Variants in BTBD9 observed in about 807,000 individuals in gnomAD.
BTBD9 encodes the protein BTB domain containing 9.
In BTBD9, 49 loss-of-function variants were observed where a neutral mutation model predicts 64.3. The observed-to-expected ratio is 0.76, with a 90% CI of 0.61 to 0.97. BTBD9 has a LOEUF of 0.97. Among genes scored for constraint, BTBD9 ranks in the 50% least tolerant of loss-of-function variants. The probability of loss-of-function intolerance (pLI) is 0.00; values close to 1 mark genes in which losing one functional copy is unlikely to be tolerated. For missense variants in BTBD9, 598 were observed against 762.1 expected (o/e 0.78, Z 2.53); for synonymous variants, 260 against 274.7 (o/e 0.95, Z 0.53).
At chr6:38,505,532 A>C (rs1772437480) in intron 6 of BTBD9, among the ~76,000 whole-genome samples, 1 of 151,870 alleles carries the variant, frequency 6.6e-6, no homozygotes, top group African/African-American at 2.4e-5. Flanking sequence ...GCAGAGGCAG[A>C]AGAATTGCTT....
chr6:38,556,530 TGTGTGTGTGTGTGTGTGTGTGAGAGA>T (rs745720331), intron 6 of BTBD9, among the ~76,000 whole-genome samples: 3,934 of 57,598 alleles, frequency 0.068, 85 homozygotes, highest in Non-Finnish European at 0.082. Flanking sequence ...TGTGTGTGTG[TGTGTGTGTGTGTGTGTGTGTGAGAGA>T]GAGAGAGAGA....
intron 8 of BTBD9, among the ~76,000 whole-genome samples, chr6:38,259,358 A>G: frequency 6.6e-6 from 1 of 152,204 alleles, no homozygotes; most frequent in East Asian, 1.9e-4. Context: ...ACTGAGGACT[A>G]GGATTGCCTG....
At chr6:38,609,239 G>A (rs577580435) in intron 1 of BTBD9, among the ~76,000 whole-genome samples, 11 of 152,050 alleles carry the variant, frequency 7.2e-5, no homozygotes, top group Non-Finnish European at 1.6e-4. Flanking sequence ...GCATGGTAGC[G>A]CACACCTGTG....
chr6:38,427,182 T>TAA (rs10709700), intron 6 of BTBD9, among the ~76,000 whole-genome samples: 3 of 141,044 alleles, frequency 2.1e-5, no homozygotes, highest in Non-Finnish European at 1.5e-5. Context: ...TGAGGAGCTT[T>TAA]AAAAAAAAAA....
intron 8 of BTBD9, among the ~76,000 whole-genome samples, chr6:38,280,543 T>C (rs1018763406): frequency 1.3e-5 from 2 of 152,242 alleles, no homozygotes; most frequent in Admixed American, 6.5e-5. Context: ...ATTTAGATGT[T>C]TGCTGTATTC....
At chr6:38,387,429 C>T (rs538509226) in intron 6 of BTBD9, among the ~76,000 whole-genome samples, 15 of 152,164 alleles carry the variant, frequency 9.9e-5, no homozygotes, top group African/African-American at 3.1e-4. Context: ...CCCAGCTACT[C>T]GGGAGGCTGG....
chr6:38,472,143 T>A (rs986935015), intron 6 of BTBD9, among the ~76,000 whole-genome samples: 1 of 152,238 alleles, frequency 6.6e-6, no homozygotes, highest in African/African-American at 2.4e-5. Context: ...ACCACACTTG[T>A]ATCCTATCTC....
chr6:38,573,492 C>T (rs1045715394), intron 6 of BTBD9, among the ~76,000 whole-genome samples: 1 of 152,124 alleles, frequency 6.6e-6, no homozygotes, highest in African/African-American at 2.4e-5. Flanking sequence ...CTCCAGTAAA[C>T]AACGCTCCTA....
chr6:38,342,459 C>G (rs2127588520), intron 7 of BTBD9, among the ~76,000 whole-genome samples: 1 of 150,848 alleles, frequency 6.6e-6, no homozygotes, highest in African/African-American at 2.4e-5. Context: ...TTGCTTGAAC[C>G]CAGGAGGTGG....
intron 9 of BTBD9, among the ~76,000 whole-genome samples, chr6:38,197,264 AAAGAG>A (rs1447897469): frequency 8.5e-5 from 13 of 152,238 alleles, no homozygotes; most frequent in Non-Finnish European, 1.8e-4. Context: ...AAACTGAGGC[AAAGAG>A]AAGAGAAGTA....
chr6:38,350,019 C>T (rs1038872185), intron 6 of BTBD9, among the ~76,000 whole-genome samples: 25 of 152,192 alleles, frequency 1.6e-4, no homozygotes, highest in Non-Finnish European at 3.7e-4. Context: ...TCCCTTCCTC[C>T]AACCCAGGAT....
intron 9 of BTBD9, among the ~76,000 whole-genome samples, chr6:38,201,167 C>A (rs1762450639): frequency 1.3e-5 from 2 of 152,140 alleles, no homozygotes; most frequent in Admixed American, 6.5e-5. Flanking sequence ...CCAATATCCT[C>A]AATGAACACA....
intron 7 of BTBD9, among the ~76,000 whole-genome samples, chr6:38,342,089 A>AT (rs982918501): frequency 3.3e-5 from 5 of 152,200 alleles, no homozygotes; most frequent in Non-Finnish European, 7.3e-5. Flanking sequence ...ATCATTATAT[A>AT]TTTTAAATAA....
intron 6 of BTBD9, among the ~76,000 whole-genome samples, chr6:38,368,613 G>A (rs2127603113): frequency 6.6e-6 from 1 of 152,256 alleles, no homozygotes; most frequent in East Asian, 1.9e-4. Flanking sequence ...GATTACAGGT[G>A]TGAGCCACCA....
intron 6 of BTBD9, among the ~76,000 whole-genome samples, chr6:38,453,403 C>A (rs113366666): frequency 6.6e-6 from 1 of 152,080 alleles, no homozygotes; most frequent in Non-Finnish European, 1.5e-5. Context: ...AATGAAACTC[C>A]GTTCTCTGTT....
intron 6 of BTBD9, among the ~76,000 whole-genome samples, chr6:38,469,174 T>G (rs1273428775): frequency 2.6e-5 from 4 of 152,078 alleles, no homozygotes; most frequent in African/African-American, 9.7e-5. Flanking sequence ...ATGGCCTACC[T>G]CACCATATTT....
At chr6:38,423,561 C>T (rs1333611327) in intron 6 of BTBD9, among the ~76,000 whole-genome samples, 1 of 152,110 alleles carries the variant, frequency 6.6e-6, no homozygotes, top group Non-Finnish European at 1.5e-5. Flanking sequence ...GCCTCGGGCT[C>T]CCAAAGTGCT....
At chr6:38,577,110 T>C (rs1380875882) in intron 6 of BTBD9, among the ~76,000 whole-genome samples, 1 of 152,136 alleles carries the variant, frequency 6.6e-6, no homozygotes. Flanking sequence ...TCAAACCCCA[T>C]TTGTTAACCA....
At chr6:38,382,218 A>G (rs1158759953) in intron 6 of BTBD9, among the ~76,000 whole-genome samples, 13 of 152,206 alleles carry the variant, frequency 8.5e-5, no homozygotes, top group Non-Finnish European at 1.5e-4. Flanking sequence ...CTGTGAGGAC[A>G]GCAGCCCACA....
Sources: gnomAD v4.1 joint callset for allele counts (sites outside exome capture counted in the v4.1 genomes callset) on GRCh38, gnomAD v4.1.1 for gene constraint, MANE v1.5 for transcripts, NCBI Gene and HGNC (gene_info 2026-07-23, HGNC 2026-07-21) for gene names.